SPOCK3: variants seen among roughly 807,000 people sequenced by gnomAD.
SPOCK3 encodes SPARC (osteonectin), cwcv and kazal like domains proteoglycan 3, also known as testican-3.
Under a neutral mutation model 56.6 loss-of-function variants are expected in SPOCK3, and 30 were observed. That is an observed-to-expected ratio of 0.53 (90% CI 0.40 to 0.72). SPOCK3 has a LOEUF of 0.72. SPOCK3 is among the 30% of genes least tolerant of loss of function. The pLI is 0.00. For missense variants in SPOCK3, 527 were observed against 530.0 expected (o/e 0.99, Z 0.06); for synonymous variants, 196 against 183.3 (o/e 1.07, Z -0.56).
chr4:166,884,870 A>AACACACAC (rs34910996), intron 6 of SPOCK3, among the ~76,000 whole-genome samples: 308 of 147,566 alleles, frequency 2.1e-3, no homozygotes, highest in Middle Eastern at 7.0e-3. Context: ...AAACTGGTTA[A>AACACACAC]ACACACACAC....
At chr4:167,129,454 C>T (rs1308799081) in intron 2 of SPOCK3, among the ~76,000 whole-genome samples, 1 of 152,176 alleles carries the variant, frequency 6.6e-6, no homozygotes, top group Non-Finnish European at 1.5e-5. Context: ...TGGAGTTTCT[C>T]CTTGCTAGTG....
chr4:167,103,467 C>T (rs1027407931), intron 2 of SPOCK3, among the ~76,000 whole-genome samples: 1 of 152,150 alleles, frequency 6.6e-6, no homozygotes, highest in African/African-American at 2.4e-5. Context: ...CCTGGCAGTA[C>T]TCCCTGTGTG....
intron 3 of SPOCK3, among the ~76,000 whole-genome samples, chr4:167,012,152 A>G (rs1750142633): frequency 6.6e-6 from 1 of 151,986 alleles, no homozygotes; most frequent in Non-Finnish European, 1.5e-5. Flanking sequence ...TGAAAATCTA[A>G]AAGAAAGATG....
intron 4 of SPOCK3, among the ~76,000 whole-genome samples, chr4:166,940,683 G>A (rs962008580): frequency 2.0e-5 from 3 of 150,824 alleles, no homozygotes; most frequent in South Asian, 2.1e-4. Context: ...TACAGCTACT[G>A]TGTATGTGCA....
intron 2 of SPOCK3, among the ~76,000 whole-genome samples, chr4:167,157,548 A>C (rs965662300): frequency 3.9e-5 from 6 of 151,906 alleles, no homozygotes; most frequent in Non-Finnish European, 8.8e-5. Context: ...AAACATCTGG[A>C]AAAATGTCAC....
chr4:167,171,888 AAG>A (rs1449762635), intron 2 of SPOCK3, among the ~76,000 whole-genome samples: 4 of 152,020 alleles, frequency 2.6e-5, no homozygotes, highest in Non-Finnish European at 5.9e-5. Flanking sequence ...AGAAAAGAAA[AAG>A]AAGAAGATTA....
rs150107425 is a variant in SPOCK3 at position 166,821,738 on chromosome 4, A to G, written c.590-29449T>C. ...AAAGTAGATTAGTGGTTGCCAGGAGATGGAGATGGGAATTAACAATGTCTA... is the reference window on the plus strand; with the variant it reads ...AAAGTAGATTAGTGGTTGCCAGGAGGTGGAGATGGGAATTAACAATGTCTA... On this transcript the variant is annotated intron_variant, in intron 6 of 10. Transcript: ENST00000357545. Among the ~76,000 whole-genome samples the G allele has an allele frequency of 8.6e-4, 131 of 152,132 alleles. 3 individuals carry two copies. In the East Asian group the frequency reaches 0.014, roughly 17 times the overall value.
At chr4:167,177,692 C>A (rs1440176657) in intron 2 of SPOCK3, among the ~76,000 whole-genome samples, 1 of 152,154 alleles carries the variant, frequency 6.6e-6, no homozygotes, top group Admixed American at 6.6e-5. Context: ...AGCAATCACT[C>A]ATATCAGCAG....
intron 6 of SPOCK3, among the ~76,000 whole-genome samples, chr4:166,858,521 C>G (rs1318896334): frequency 2.6e-5 from 4 of 152,068 alleles, no homozygotes; most frequent in Admixed American, 2.6e-4. Flanking sequence ...TACAATAAAT[C>G]TAGAGTTTTC....
At chr4:167,147,622 A>G (rs1284663413) in intron 2 of SPOCK3, among the ~76,000 whole-genome samples, 2 of 152,198 alleles carry the variant, frequency 1.3e-5, no homozygotes, top group African/African-American at 4.8e-5. Flanking sequence ...ATGGAATACT[A>G]TTCAGCCATA....
At chr4:167,007,279 C>A (rs1305711309) in intron 3 of SPOCK3, among the ~76,000 whole-genome samples, 2 of 152,048 alleles carry the variant, frequency 1.3e-5, no homozygotes, top group South Asian at 2.1e-4. Context: ...ATACTCAAGA[C>A]CCTTATATAA....
chr4:166,979,145 A>G (rs995369948), intron 4 of SPOCK3, among the ~76,000 whole-genome samples: 1 of 152,192 alleles, frequency 6.6e-6, no homozygotes, highest in Admixed American at 6.5e-5. Flanking sequence ...AGAGCCGCAG[A>G]TTCACATGCA....
chr4:166,743,541 C>T (rs370269705), intron 8 of SPOCK3, among the ~76,000 whole-genome samples: 78 of 152,248 alleles, frequency 5.1e-4, no homozygotes, highest in African/African-American at 1.4e-3. Context: ...CTAGTGTGAG[C>T]GACGCAGAAG....
intron 2 of SPOCK3, among the ~76,000 whole-genome samples, chr4:167,153,037 G>C (rs1764545292): frequency 6.6e-6 from 1 of 152,210 alleles, no homozygotes; most frequent in Admixed American, 6.5e-5. Flanking sequence ...GCTATGCTAA[G>C]CTCTTTAAAG....
chr4:167,102,890 C>T (rs1759779098), intron 2 of SPOCK3, among the ~76,000 whole-genome samples: 1 of 140,644 alleles, frequency 7.1e-6, no homozygotes, highest in Non-Finnish European at 1.5e-5. Context: ...GTTTGTACTG[C>T]CCCTCCCCAA....
At chr4:166,880,018 C>A (rs780348808) in intron 6 of SPOCK3, among the ~76,000 whole-genome samples, 2 of 152,156 alleles carry the variant, frequency 1.3e-5, no homozygotes, top group Non-Finnish European at 2.9e-5. Context: ...GCTTCCTGTA[C>A]AGCCTGCAGA....
intron 2 of SPOCK3, among the ~76,000 whole-genome samples, chr4:167,157,129 C>A (rs1391305929): frequency 6.6e-6 from 1 of 151,886 alleles, no homozygotes; most frequent in African/African-American, 2.4e-5. Context: ...TCTGCTTTAA[C>A]AATCTATGAA....
At chr4:166,774,566 C>T (rs544964348) in intron 7 of SPOCK3, among the ~76,000 whole-genome samples, 7 of 152,342 alleles carry the variant, frequency 4.6e-5, no homozygotes, top group African/African-American at 1.4e-4. Flanking sequence ...GCATTCAAAT[C>T]TGATCCACAG....
chr4:166,877,957 A>T (rs1002685464), intron 6 of SPOCK3, among the ~76,000 whole-genome samples: 5 of 152,142 alleles, frequency 3.3e-5, no homozygotes, highest in African/African-American at 9.7e-5. Context: ...TCACCTTGGA[A>T]ATATGAAAAA....
Sources: allele counts gnomAD v4.1 joint callset (sites outside exome capture counted in the v4.1 genomes callset), GRCh38; gene constraint gnomAD v4.1.1; transcripts MANE v1.5; gene names NCBI Gene and HGNC (gene_info 2026-07-23, HGNC 2026-07-21).